PSMD11: variants seen among roughly 807,000 people sequenced by gnomAD.
PSMD11 encodes 26S proteasome non-ATPase regulatory subunit 11.
Under a neutral mutation model 62.3 loss-of-function variants are expected in PSMD11, and 5 were observed. That is an observed-to-expected ratio of 0.08 (90% confidence interval 0.04 to 0.17). The LOEUF (loss-of-function observed/expected upper bound fraction) is 0.17, where lower values mean the gene tolerates loss of function less well. Ranked by LOEUF, PSMD11 falls within the 10% of genes least tolerant of loss-of-function variation. The pLI is 1.00. For missense variants in PSMD11, 310 were observed against 512.9 expected (o/e 0.60, Z 3.82); for synonymous variants, 191 against 191.8 (o/e 1.00, Z 0.03).
At chr17:32,474,197 T>G (rs1908254577) in intron 7 of PSMD11, 2 of 531,142 alleles carry the variant, frequency 3.8e-6, no homozygotes, top group South Asian at 4.3e-5. Flanking sequence ...CTCCTCATCC[T>G]TTAAATATTC....
chr17:32,479,991 G>T (rs945925208), intron 11 of PSMD11, 105 bp downstream of exon 11: 1 of 1,491,234 alleles, frequency 6.7e-7, no homozygotes, highest in South Asian at 1.1e-5. Flanking sequence ...CAGCTTCTCA[G>T]TGGGGAATGG....
Position 32,479,358 on chromosome 17 carries a change from G to A in PSMD11, c.1020G>A (p.Glu340=), listed in dbSNP as rs763400467. Residue 340 remains glutamate, a synonymous_variant, in exon 10 of 14, where the codon GAG becomes GAA. Coordinates refer to ENST00000261712, the MANE Select transcript of PSMD11 (RefSeq NM_002815.4). ...AACAGAATCTGATCCGAGTCATTGA[G>A]CCTTTTTCCAGAGTACAGGTGAGAA... ...LLEQNLIRVI[E]PFSRVQIEHI... is the part of the protein sequence containing the mutation. 6.2e-7 allele frequency: 1 copy of A among 1,614,146 alleles called. No individual in the cohort carries two copies. Among genetic ancestry groups the A allele is most frequent in the Admixed American group, 1.7e-5 (1 of 60,018 alleles).
intron 11 of PSMD11, 37 bp downstream of exon 11, chr17:32,479,923 G>C (rs1567859597): frequency 6.2e-7 from 1 of 1,604,372 alleles, no homozygotes; most frequent in Non-Finnish European, 8.5e-7. Flanking sequence ...GGAGGAATGG[G>C]ACGGGGTGGC....
Position 32,464,085 on chromosome 17 carries a change from T to G in PSMD11, c.355T>G (p.Ser119Ala). 6.2e-7 allele frequency: 1 copy of G among 1,614,118 alleles called. No individual in the cohort carries two copies. The stretch of plus-strand genomic sequence containing the variant: ...TTTAGAGTGCATCGAATGGGCCAAG[T>G]CAGAGAAAAGAACTTTCTTACGCCA... ...LCLECIEWAK[S>A]EKRTFLRQAL... Residue 119 changes from serine to alanine, a missense_variant, in exon 4 of 14, where the codon TCA becomes GCA. Ser to Ala is a moderately conservative substitution (Grantham distance 99). Transcript: ENST00000261712.
chr17:32,449,272 T>G (rs965050108), intron 2 of PSMD11, among the ~76,000 whole-genome samples: 1 of 151,918 alleles, frequency 6.6e-6, no homozygotes, highest in Admixed American at 6.6e-5. Context: ...GGGTGTGGTG[T>G]TATGTGCCTG....
At chr17:32,474,120 G>C in intron 7 of PSMD11, 175 bp downstream of exon 7, 1 of 660,574 alleles carries the variant, frequency 1.5e-6, no homozygotes. Context: ...GAAAACTTTC[G>C]CTTGCTAGTC....
At position 32,478,126 on chromosome 17, in the gene PSMD11, T is replaced by G. The variant is rs190871238; in HGVS notation, c.912+543T>G. 3.1e-3 allele frequency among the ~76,000 whole-genome samples: 477 copies of G among 152,332 alleles called. 3 individuals are homozygous for G. The highest frequency in any genetic ancestry group is 4.9e-3 in the Non-Finnish European group (330 of 68,038). ...ACCCTGGTGCATTTTGCTCATTGTT[T>G]GGGAGTTTTGAAAAGGGAGAAAAGC... On this transcript the variant is annotated intron_variant, in intron 9 of 13. Coordinates refer to ENST00000261712, the MANE Select transcript of PSMD11 (RefSeq NM_002815.4).
intron 6 of PSMD11, among the ~76,000 whole-genome samples, chr17:32,473,336 G>A (rs1908226482): frequency 6.6e-6 from 1 of 150,408 alleles, no homozygotes; most frequent in Admixed American, 6.6e-5. Context: ...GAGTGCAGTG[G>A]CGCAATCTCG....
intron 2 of PSMD11, among the ~76,000 whole-genome samples, chr17:32,449,275 T>C (rs577623809): frequency 4.7e-4 from 71 of 152,172 alleles, no homozygotes; most frequent in Non-Finnish European, 8.5e-4. Context: ...TGTGGTGTTA[T>C]GTGCCTGTAG....
chr17:32,459,099 CA>C lies in PSMD11; in HGVS notation c.318+4493del, dbSNP rs1250016169. 9.0e-4 allele frequency among the ~76,000 whole-genome samples: 55 copies of C among 61,226 alleles called. 1 individual carries two copies. Among genetic ancestry groups the C allele is most frequent in the South Asian group, 4.4e-3 (8 of 1,836 alleles). The allele number at this position is 61,226 out of a possible 152,430, so 40.2% of individuals were successfully genotyped here. A position where few individuals can be genotyped will look rare whatever the true frequency, so the allele number is the denominator to read the frequency against. ...AAGAGTAAGAAGAGTGAGAGTGTCTCAAAAAAAAAAAAATACATATATATAT... is the reference window on the plus strand; with the variant it reads ...AAGAGTAAGAAGAGTGAGAGTGTCTCAAAAAAAAAAAATACATATATATAT... On this transcript the variant is annotated intron_variant, in intron 3 of 13. Coordinates refer to ENST00000261712, the MANE Select transcript of PSMD11 (RefSeq NM_002815.4).
At chr17:32,454,862 GATTCT>G in intron 3 of PSMD11, 2 of 388,652 alleles carry the variant, frequency 5.1e-6, no homozygotes, top group Non-Finnish European at 9.4e-6. Context: ...GTCACAAACT[GATTCT>G]TGTCTTTGAG....
In PSMD11 at chr17:32,477,816, A is replaced by T. The variant is rs140549947; in HGVS notation, c.912+233A>T. 1,029 of 319,960 alleles carry T rather than the reference A, an allele frequency of 3.2e-3. 10 individuals are homozygous for T. Among genetic ancestry groups the T allele is most frequent in the African/African-American group, 0.021 (977 of 46,644 alleles). The allele number at this position is 319,960 out of a possible 1,614,324, so 19.8% of individuals were successfully genotyped here. On this transcript the variant is annotated intron_variant, in intron 9 of 13. Transcript: ENST00000261712. ...TTATACATAATACCTTTCTATTTCAAAAGTTCTTTCTGTCCTTTTTTCACT... is the reference window on the plus strand; with the variant it reads ...TTATACATAATACCTTTCTATTTCATAAGTTCTTTCTGTCCTTTTTTCACT...
intron 2 of PSMD11, among the ~76,000 whole-genome samples, chr17:32,453,819 G>T (rs1196259367): frequency 6.6e-6 from 1 of 152,164 alleles, no homozygotes; most frequent in African/African-American, 2.4e-5. Flanking sequence ...TATAGTGGGG[G>T]AAAAGCTCTG....
intron 3 of PSMD11, among the ~76,000 whole-genome samples, chr17:32,455,448 G>A (rs1324374429): frequency 1.3e-5 from 2 of 152,154 alleles, no homozygotes; most frequent in African/African-American, 2.4e-5. Context: ...AATGTAAAAT[G>A]GCAGATAATA....
chr17:32,480,580 C>T lies in PSMD11; in HGVS notation c.1218C>T (p.Asn406=). 6.2e-7 allele frequency: 1 copy of T among 1,614,172 alleles called. No homozygotes were observed. The highest frequency in any genetic ancestry group is 8.5e-7 in the Non-Finnish European group (1 of 1,180,026). Residue 406 remains asparagine (N), a synonymous_variant, in exon 13 of 14, where the codon AAC becomes AAT. Transcript: ENST00000261712. The stretch of plus-strand genomic sequence containing the variant: ...AAGCTGCTCTGGAAACAATTCAGAA[C>T]ATGAGCAAAGTAGTGGATTCCCTCT... ...TYEAALETIQ[N]MSKVVDSLYN...
chr17:32,461,320 G>A (rs767641875), intron 3 of PSMD11, among the ~76,000 whole-genome samples: 2 of 152,176 alleles, frequency 1.3e-5, no homozygotes, highest in Admixed American at 6.5e-5. Context: ...CTCGTGATCC[G>A]CCCGCTTTGG....
chr17:32,461,860 A>G (rs1238301753), intron 3 of PSMD11, among the ~76,000 whole-genome samples: 1 of 152,182 alleles, frequency 6.6e-6, no homozygotes, highest in Non-Finnish European at 1.5e-5. Context: ...TCTTATTTTT[A>G]GAAAATTTTT....
chr17:32,480,392 T>G, intron 12 of PSMD11, 97 bp from the exon 13 acceptor site: 2 of 1,509,130 alleles, frequency 1.3e-6, no homozygotes, highest in South Asian at 2.3e-5. Flanking sequence ...TCCCTTCTTT[T>G]CTGGACACAG....
At chr17:32,467,729 A>G (rs1260942146) in intron 5 of PSMD11, among the ~76,000 whole-genome samples, 1 of 152,164 alleles carries the variant, frequency 6.6e-6, no homozygotes, top group Non-Finnish European at 1.5e-5. Context: ...CTCCTGCCTC[A>G]GTCTCCTGAG....
Sources: gnomAD v4.1 joint callset for allele counts (sites outside exome capture counted in the v4.1 genomes callset) on GRCh38, gnomAD v4.1.1 for gene constraint, MANE v1.5 for transcripts, NCBI Gene and HGNC (gene_info 2026-07-23, HGNC 2026-07-21) for gene names.